NYAP2: variants seen among roughly 807,000 people sequenced by gnomAD.
The protein encoded by NYAP2 is neuronal tyrosine-phosphorylated phosphoinositide-3-kinase adapter 2.
NYAP2 carries 23 observed loss-of-function variants against 50.4 expected under a neutral mutation model. The observed-to-expected ratio is 0.46, with a 90% CI of 0.33 to 0.65. The LOEUF is 0.65. NYAP2 is among the 30% of genes least tolerant of loss of function. The probability of loss-of-function intolerance (pLI) is 0.02; values close to 1 mark genes in which losing one functional copy is unlikely to be tolerated. For missense variants in NYAP2, 885 were observed against 861.0 expected (o/e 1.03, Z -0.35); for synonymous variants, 394 against 365.2 (o/e 1.08, Z -0.90).
At chr2:225,450,634 C>A (rs971977843) in intron 3 of NYAP2, among the ~76,000 whole-genome samples, 1 of 152,196 alleles carries the variant, frequency 6.6e-6, no homozygotes, top group African/African-American at 2.4e-5. Flanking sequence ...AAATGGGAAT[C>A]TGATTTTTAT....
At chr2:225,489,154 A>G (rs1027879431) in intron 3 of NYAP2, among the ~76,000 whole-genome samples, 2 of 152,068 alleles carry the variant, frequency 1.3e-5, no homozygotes, top group African/African-American at 4.8e-5. Flanking sequence ...CTCATATATA[A>G]GAGGCTCCCC....
At chr2:225,693,353 T>C in the NYAP2 span, among the ~76,000 whole-genome samples, 1 of 151,978 alleles carries the variant, frequency 6.6e-6, no homozygotes, top group South Asian at 2.1e-4. Flanking sequence ...AGTGGAGTTA[T>C]GGGTTTTGAG....
At chr2:225,549,515 G>T (rs1406848919) in intron 4 of NYAP2, among the ~76,000 whole-genome samples, 29 of 152,152 alleles carry the variant, frequency 1.9e-4, no homozygotes, top group Admixed American at 1.8e-3. Flanking sequence ...TAAAGTACTG[G>T]GTTTCAGATG....
intron 4 of NYAP2, among the ~76,000 whole-genome samples, chr2:225,542,140 C>T (rs1691486195): frequency 6.6e-6 from 1 of 152,094 alleles, no homozygotes; most frequent in African/African-American, 2.4e-5. Context: ...TGCAACTTTA[C>T]TGAATTTATC....
rs1347790730 is a variant in NYAP2 at position 225,584,117 on chromosome 2, GT to G, written c.1618+1085del. ...GAAAACCTGTGTTGGAAAGAAAGCA[GT>G]TTGATTAGAACTTAGAATCTTCTTT... On this transcript the variant is annotated intron_variant, in intron 5 of 6. Transcript: ENST00000636099. 3.2e-4 allele frequency among the ~76,000 whole-genome samples: 48 copies of G among 152,252 alleles called. 2 individuals are homozygous for G. In the East Asian group the frequency reaches 8.3e-3, roughly 26 times the overall value.
intron 3 of NYAP2, among the ~76,000 whole-genome samples, chr2:225,510,944 G>A (rs935163521): frequency 3.9e-5 from 6 of 152,128 alleles, no homozygotes; most frequent in African/African-American, 1.4e-4. Flanking sequence ...AAAAGTAACT[G>A]AGAAATTGCT....
At chr2:225,556,755 A>ATT (rs1242170146) in intron 4 of NYAP2, among the ~76,000 whole-genome samples, 2 of 152,110 alleles carry the variant, frequency 1.3e-5, no homozygotes, top group East Asian at 3.8e-4. Flanking sequence ...ATTTTAATGG[A>ATT]TTTTTAACCA....
intron 3 of NYAP2, among the ~76,000 whole-genome samples, chr2:225,428,832 TA>T (rs2106132126): frequency 6.6e-6 from 1 of 152,334 alleles, no homozygotes; most frequent in South Asian, 2.1e-4. Flanking sequence ...TGGAAATTCT[TA>T]AAGTTCTGGG....
intron 6 of NYAP2, among the ~76,000 whole-genome samples, chr2:225,633,204 T>C (rs1472919382): frequency 6.6e-6 from 1 of 152,192 alleles, no homozygotes; most frequent in Non-Finnish European, 1.5e-5. Context: ...AACTCAGCCC[T>C]TGGCTTATGA....
intron 4 of NYAP2, among the ~76,000 whole-genome samples, chr2:225,525,209 G>C (rs1427738775): frequency 1.3e-5 from 2 of 152,184 alleles, no homozygotes; most frequent in African/African-American, 4.8e-5. Flanking sequence ...ACTGCCGTTT[G>C]ATGCTGCAAT....
intron 3 of NYAP2, among the ~76,000 whole-genome samples, chr2:225,493,849 T>C (rs1457375306): frequency 6.6e-6 from 1 of 152,248 alleles, no homozygotes; most frequent in Non-Finnish European, 1.5e-5. Context: ...CAATGTGAAG[T>C]CACGTCAGAG....
At chr2:225,526,524 C>G (rs979762786) in intron 4 of NYAP2, among the ~76,000 whole-genome samples, 1 of 152,148 alleles carries the variant, frequency 6.6e-6, no homozygotes, top group African/African-American at 2.4e-5. Context: ...TTAGCTTTTT[C>G]TGAATTTATT....
intron 3 of NYAP2, among the ~76,000 whole-genome samples, chr2:225,452,584 C>A (rs1459807477): frequency 5.9e-5 from 9 of 152,158 alleles, no homozygotes; most frequent in Non-Finnish European, 1.3e-4. Context: ...ATTTCTCACT[C>A]CTTTTTCCTT....
At chr2:225,600,659 A>G (rs1692677296) in intron 5 of NYAP2, among the ~76,000 whole-genome samples, 1 of 152,184 alleles carries the variant, frequency 6.6e-6, no homozygotes, top group Admixed American at 6.5e-5. Flanking sequence ...CACAACCATC[A>G]GTTTCACAAT....
intron 4 of NYAP2, among the ~76,000 whole-genome samples, chr2:225,515,662 A>G (rs1269296358): frequency 6.6e-6 from 1 of 152,154 alleles, no homozygotes; most frequent in Non-Finnish European, 1.5e-5. Flanking sequence ...GAGGCCTACC[A>G]TTTGTAAATT....
At chr2:225,492,310 T>G (rs1690422881) in intron 3 of NYAP2, among the ~76,000 whole-genome samples, 3 of 152,196 alleles carry the variant, frequency 2.0e-5, no homozygotes, top group African/African-American at 7.2e-5. Context: ...TCTTTTTTCT[T>G]TTAAAGAATT....
intron 3 of NYAP2, among the ~76,000 whole-genome samples, chr2:225,484,664 T>C (rs1440961305): frequency 6.6e-6 from 1 of 152,240 alleles, no homozygotes; most frequent in African/African-American, 2.4e-5. Flanking sequence ...CTGCTTAATG[T>C]TGACTGGCTT....
chr2:225,663,175 G>A, the NYAP2 span, among the ~76,000 whole-genome samples: 3 of 152,170 alleles, frequency 2.0e-5, no homozygotes, highest in African/African-American at 7.2e-5. Context: ...CAGTACAGAA[G>A]GGGACTGGGG....
chr2:225,438,975 T>C (rs2106139235), intron 3 of NYAP2, among the ~76,000 whole-genome samples: 1 of 152,188 alleles, frequency 6.6e-6, no homozygotes, highest in East Asian at 1.9e-4. Context: ...ATGTTCCGGG[T>C]AAGTGAGATG....
Sources: allele counts gnomAD v4.1 joint callset (sites outside exome capture counted in the v4.1 genomes callset), GRCh38; gene constraint gnomAD v4.1.1; transcripts MANE v1.5; gene names NCBI Gene and HGNC (gene_info 2026-07-23, HGNC 2026-07-21).